The following ATP2B1 variants were observed in gnomAD, a reference collection of about 807,000 sequenced individuals.
The protein encoded by ATP2B1 is plasma membrane calcium-transporting ATPase 1.
Under a neutral mutation model 124.2 loss-of-function variants are expected in ATP2B1, and 14 were observed. The ratio of observed to expected loss-of-function variants is 0.11; its 90% CI spans 0.07 to 0.18. The LOEUF (loss-of-function observed/expected upper bound fraction) is 0.18, where lower values mean the gene tolerates loss of function less well. ATP2B1 is among the 10% of genes least tolerant of loss of function. The probability of loss-of-function intolerance (pLI) is 1.00; values close to 1 mark genes in which losing one functional copy is unlikely to be tolerated. For missense variants in ATP2B1, 763 were observed against 1,466.1 expected, an observed-to-expected ratio of 0.52 and a Z score of 7.83; for synonymous variants, 449 against 492.4, an observed-to-expected ratio of 0.91 and a Z score of 1.17.
At chr12:89,599,824 C>T (rs570177457) in intron 19 of ATP2B1, among the ~76,000 whole-genome samples, 1 of 152,038 alleles carries the variant, frequency 6.6e-6, no homozygotes, top group South Asian at 2.1e-4. Flanking sequence ...ATTGATGACG[C>T]CAAACAAAAA....
rs529948983 is a variant in ATP2B1 at position 89,631,689 on chromosome 12, T to C, written c.788-1044A>G. Among the ~76,000 whole-genome samples the C allele has an allele frequency of 2.9e-3, 436 of 152,282 alleles. 1 individual carries two copies. Among genetic ancestry groups the C allele is most frequent in the African/African-American group, 1.0e-2 (415 of 41,552 alleles). On this transcript the variant is annotated intron_variant, in intron 5 of 20. Transcript: ENST00000428670. ...TCATCCACTACTCTAACATAAAATT[T>C]CATTACAGAAAACTAGGAATCAGAG...
intron 1 of ATP2B1, among the ~76,000 whole-genome samples, chr12:89,694,454 TG>T (rs34308629): frequency 2.6e-5 from 4 of 152,090 alleles, no homozygotes; most frequent in Admixed American, 6.6e-5. Flanking sequence ...TATCTGCTTA[TG>T]GGGGGGTTAC....
intron 1 of ATP2B1, among the ~76,000 whole-genome samples, chr12:89,702,791 A>G (rs890871805): frequency 6.6e-6 from 1 of 152,196 alleles, no homozygotes; most frequent in Non-Finnish European, 1.5e-5. Flanking sequence ...CAGGTATCCC[A>G]TATTTTAAGA....
chr12:89,681,320 C>T (rs1889323217), intron 1 of ATP2B1, among the ~76,000 whole-genome samples: 1 of 151,614 alleles, frequency 6.6e-6, no homozygotes. Context: ...ATACAGCTTA[C>T]CAAAACTGAC....
At chr12:89,653,285 T>G (rs898868516) in intron 2 of ATP2B1, among the ~76,000 whole-genome samples, 1 of 1,470 alleles carries the variant, frequency 6.8e-4, no homozygotes, top group Non-Finnish European at 1.5e-3. Context: ...ATTTTTTTCT[T>G]TTTTTTTTTT....
At chr12:89,681,549 G>T (rs1430973511) in intron 1 of ATP2B1, among the ~76,000 whole-genome samples, 1 of 151,838 alleles carries the variant, frequency 6.6e-6, no homozygotes, top group African/African-American at 2.4e-5. Context: ...CCCAGCTAAT[G>T]CAAGTTTCTT....
chr12:89,630,566 G>A lies in ATP2B1; in HGVS notation c.867C>T (p.Thr289=), dbSNP rs200224443. Reference sequence around the variant, plus strand: ...CCTCTTCACCTCCAGCTCCAAGTAAGGTAAAGATAATTCCAGTTTGAGAAT... The same window carrying A: ...CCTCTTCACCTCCAGCTCCAAGTAAAGTAAAGATAATTCCAGTTTGAGAAT... The part of the protein sequence containing the change: ...GVNSQTGIIF[T]LLGAGGEEEE... The change falls in exon 6 of 21, where the codon ACC becomes ACT. Residue 289 remains threonine (T), a synonymous_variant. Transcript: ENST00000428670. 5 of 1,596,632 alleles carry A rather than the reference G, an allele frequency of 3.1e-6. No individual in the cohort carries two copies. Among genetic ancestry groups the A allele is most frequent in the Non-Finnish European group, 4.3e-6 (5 of 1,170,706 alleles).
At chr12:89,653,470 T>C (rs983123268) in intron 2 of ATP2B1, among the ~76,000 whole-genome samples, 3 of 150,830 alleles carry the variant, frequency 2.0e-5, no homozygotes, top group Non-Finnish European at 4.4e-5. Context: ...CTAATTTTTT[T>C]GTATTTTTAG....
At chr12:89,633,541 T>C (rs1007436295) in intron 5 of ATP2B1, among the ~76,000 whole-genome samples, 1 of 152,006 alleles carries the variant, frequency 6.6e-6, no homozygotes, top group Admixed American at 6.6e-5. Flanking sequence ...TTATCCTATT[T>C]ATAATGGTGT....
At chr12:89,631,722 C>T (rs1330562208) in intron 5 of ATP2B1, among the ~76,000 whole-genome samples, 2 of 152,120 alleles carry the variant, frequency 1.3e-5, no homozygotes, top group African/African-American at 2.4e-5. Context: ...GAGATGGGAA[C>T]ATGGATTAAA....
At chr12:89,599,035 T>G in intron 20 of ATP2B1, 82 bp downstream of exon 20, 1 of 1,479,356 alleles carries the variant, frequency 6.8e-7, no homozygotes, top group Non-Finnish European at 9.1e-7. Context: ...AGAGGAAGTT[T>G]AAGGAGCACA....
At chr12:89,624,638 T>A (rs755278850) in intron 8 of ATP2B1, among the ~76,000 whole-genome samples, 4 of 152,212 alleles carry the variant, frequency 2.6e-5, no homozygotes, top group Non-Finnish European at 4.4e-5. Context: ...TTTCTTAGAC[T>A]TAATTATATC....
chr12:89,700,310 G>C (rs1253285059), intron 1 of ATP2B1, among the ~76,000 whole-genome samples: 1 of 152,110 alleles, frequency 6.6e-6, no homozygotes, highest in African/African-American at 2.4e-5. Context: ...CCCATTCACT[G>C]ACTGACCTTC....
intron 1 of ATP2B1, among the ~76,000 whole-genome samples, chr12:89,697,338 G>A (rs139543524): frequency 6.6e-6 from 1 of 152,250 alleles, no homozygotes; most frequent in East Asian, 1.9e-4. Flanking sequence ...ATAAAGAAAT[G>A]AGGAATCTGG....
rs772571379 is a variant in ATP2B1 at position 89,588,244 on chromosome 12, C to T, written c.*2740G>A. The T allele has an allele frequency of 3.9e-5, 6 of 152,562 alleles. No homozygotes were observed. Among genetic ancestry groups the T allele is most frequent in the Non-Finnish European group, 7.4e-5 (5 of 67,970 alleles). 9.5% of individuals were successfully genotyped at this position (152,562 alleles called of 1,614,324 possible). A position where few individuals can be genotyped will look rare whatever the true frequency, so the allele number is the denominator to read the frequency against. ...AAGAGCAATTTCACAGAAATGAAGC[C>T]AGTTTTTTTCTTATAAACAAATCAC... On this transcript the variant is annotated 3_prime_UTR_variant, in exon 21 of 21. Coordinates refer to ENST00000428670, the MANE Select transcript of ATP2B1 (RefSeq NM_001366521.1).
At chr12:89,630,668 TTTTTAAA>T (rs1565843236) in intron 5 of ATP2B1, 23 bp from the exon 6 acceptor site, 2 of 1,428,236 alleles carry the variant, frequency 1.4e-6, no homozygotes, top group African/African-American at 1.5e-5. Context: ...ACATAGTTTG[TTTTTAAA>T]AATACTGATA....
intron 1 of ATP2B1, among the ~76,000 whole-genome samples, chr12:89,669,034 T>C (rs957332237): frequency 8.5e-5 from 13 of 152,054 alleles, no homozygotes; most frequent in Admixed American, 3.9e-4. Context: ...TTTGAGCTTC[T>C]ACAACACACT....
chr12:89,695,128 T>G (rs1306383448), intron 1 of ATP2B1, among the ~76,000 whole-genome samples: 1 of 151,996 alleles, frequency 6.6e-6, no homozygotes, highest in African/African-American at 2.4e-5. Flanking sequence ...GTCTGAAGGT[T>G]TGACAGCAGA....
intron 15 of ATP2B1, among the ~76,000 whole-genome samples, chr12:89,607,408 G>A (rs1433303120): frequency 1.3e-5 from 2 of 151,864 alleles, no homozygotes; most frequent in Non-Finnish European, 2.9e-5. Flanking sequence ...TACAGGCAGA[G>A]TCAAGGACTT....
Sources: allele counts gnomAD v4.1 joint callset (sites outside exome capture counted in the v4.1 genomes callset), GRCh38; gene constraint gnomAD v4.1.1; transcripts MANE v1.5; gene names NCBI Gene and HGNC (gene_info 2026-07-23, HGNC 2026-07-21).